Variants in CSMD3 observed in about 807,000 individuals in gnomAD.
CSMD3 encodes the protein CUB and Sushi multiple domains 3, also known as CUB and sushi domain-containing protein 3.
A neutral mutation model predicts 435.2 loss-of-function variants in CSMD3; 177 were observed. The ratio of observed to expected loss-of-function variants is 0.41; its 90% CI spans 0.36 to 0.46. The LOEUF (loss-of-function observed/expected upper bound fraction) is 0.46, where lower values mean the gene tolerates loss of function less well. Ranked by LOEUF, CSMD3 falls within the 20% of genes least tolerant of loss-of-function variation. The probability of loss-of-function intolerance (pLI) is 0.34; values close to 1 mark genes in which losing one functional copy is unlikely to be tolerated. For missense variants in CSMD3, 4,265 were observed against 4,504.6 expected (o/e 0.95, Z 1.52); for synonymous variants, 1,656 against 1,520.5 (o/e 1.09, Z -2.07).
chr8:112,549,083 G>A (rs1278316525), intron 27 of CSMD3, among the ~76,000 whole-genome samples: 2 of 152,014 alleles, frequency 1.3e-5, no homozygotes, highest in Non-Finnish European at 2.9e-5. Context: ...CACTGAGCTT[G>A]AGACACCTTT....
At chr8:112,369,080 T>C (rs1828066575) in intron 38 of CSMD3, among the ~76,000 whole-genome samples, 1 of 152,128 alleles carries the variant, frequency 6.6e-6, no homozygotes. Context: ...TTACAGTTCA[T>C]AATACTCTGG....
At chr8:112,623,633 T>C (rs985777872) in intron 22 of CSMD3, among the ~76,000 whole-genome samples, 2 of 151,870 alleles carry the variant, frequency 1.3e-5, no homozygotes, top group Non-Finnish European at 1.5e-5. Flanking sequence ...TCATCTAGCA[T>C]TAGGTATATC....
intron 1 of CSMD3, among the ~76,000 whole-genome samples, chr8:113,338,274 A>C (rs1206106906): frequency 6.6e-6 from 1 of 151,958 alleles, no homozygotes; most frequent in Admixed American, 6.6e-5. Context: ...GATATGATAG[A>C]ATGAGAAATC....
At chr8:113,229,711 T>A (rs1325176253) in intron 3 of CSMD3, among the ~76,000 whole-genome samples, 1 of 151,578 alleles carries the variant, frequency 6.6e-6, no homozygotes, top group African/African-American at 2.4e-5. Context: ...CTTGAAGGCT[T>A]TGTAAACTTG....
At chr8:112,537,260 C>A (rs960858194) in intron 27 of CSMD3, among the ~76,000 whole-genome samples, 24 of 151,706 alleles carry the variant, frequency 1.6e-4, no homozygotes, top group African/African-American at 5.8e-4. Flanking sequence ...AACAGCAGTA[C>A]TAATTTATAG....
At chr8:112,309,066 T>C (rs535974768) in intron 50 of CSMD3, among the ~76,000 whole-genome samples, 1 of 152,152 alleles carries the variant, frequency 6.6e-6, no homozygotes, top group South Asian at 2.1e-4. Context: ...ATATATTTTA[T>C]CATTTTACTT....
At chr8:113,331,906 C>T (rs2094030618) in intron 1 of CSMD3, among the ~76,000 whole-genome samples, 1 of 151,458 alleles carries the variant, frequency 6.6e-6, no homozygotes, top group South Asian at 2.1e-4. Flanking sequence ...TGTATTTAAC[C>T]TTATACTTGA....
chr8:112,818,090 G>T (rs1399931440), intron 12 of CSMD3, among the ~76,000 whole-genome samples: 1 of 150,680 alleles, frequency 6.6e-6, no homozygotes, highest in Non-Finnish European at 1.5e-5. Context: ...ATGACTTTAT[G>T]AACTATTTTT....
At chr8:112,822,639 C>T (rs1368624305) in intron 12 of CSMD3, among the ~76,000 whole-genome samples, 1 of 151,382 alleles carries the variant, frequency 6.6e-6, no homozygotes. Flanking sequence ...CTCTTTATTT[C>T]CTCTCTTTAT....
At chr8:113,085,309 G>A (rs1173449157) in intron 5 of CSMD3, among the ~76,000 whole-genome samples, 4 of 151,106 alleles carry the variant, frequency 2.6e-5, no homozygotes, top group African/African-American at 7.3e-5. Context: ...CTTGAGAAAA[G>A]GAAAGTCATA....
intron 6 of CSMD3, among the ~76,000 whole-genome samples, chr8:112,997,862 G>GTATA (rs35783145): frequency 1.6e-4 from 24 of 145,754 alleles, no homozygotes; most frequent in African/African-American, 2.5e-4. Flanking sequence ...GTATATGTGT[G>GTATA]TATATATATA....
chr8:112,641,552 A>G (rs529022038), intron 20 of CSMD3, among the ~76,000 whole-genome samples: 1 of 152,202 alleles, frequency 6.6e-6, no homozygotes, highest in South Asian at 2.1e-4. Context: ...AAATGTAATG[A>G]CAATCCAGGT....
intron 59 of CSMD3, 57 bp downstream of exon 59, chr8:112,281,117 A>G: frequency 7.9e-7 from 1 of 1,260,984 alleles, no homozygotes; most frequent in Non-Finnish European, 1.2e-6. Flanking sequence ...AAATACTTAT[A>G]TACTCATCAA....
Position 112,550,840 on chromosome 8 carries a change from T to A in CSMD3, c.4395A>T (p.Ser1465=), listed in dbSNP as rs1214415614. 3.1e-6 allele frequency: 5 copies of A among 1,612,380 alleles called. No homozygotes were observed. In the African/African-American group the frequency reaches 6.7e-5, roughly 22 times the overall value. ...LQFLAFDTEA[S]HDILRVWDGP... is the part of the protein sequence containing the mutation. ...CGTCCCAGACTCGGAGTATATCATG[T>A]GATGCTTCCGTATCAAAAGCAAGAA... Residue 1465 remains serine, a synonymous_variant, in exon 27 of 71, where the codon TCA becomes TCT. Transcript: ENST00000297405.
intron 14 of CSMD3, among the ~76,000 whole-genome samples, chr8:112,688,289 A>T (rs975035401): frequency 6.6e-6 from 1 of 152,128 alleles, no homozygotes; most frequent in Non-Finnish European, 1.5e-5. Context: ...CATACTTTAA[A>T]TTCTTAATTA....
chr8:112,740,370 G>A (rs1485917369), intron 13 of CSMD3, among the ~76,000 whole-genome samples: 1 of 150,696 alleles, frequency 6.6e-6, no homozygotes, highest in Admixed American at 6.6e-5. Flanking sequence ...TCTTTTTTGT[G>A]TTTTTTTCAC....
rs1825641503 is a variant in CSMD3, at chr8:112,346,087, A to G, written c.6442+10T>C. On this transcript the variant is annotated intron_variant, in intron 41 of 70. Coordinates refer to ENST00000297405, the MANE Select transcript of CSMD3 (RefSeq NM_198123.2). Reference sequence around the variant, plus strand: ...TTGAAAGCTCTTTCACGTGTTTTTAATACACATACCAAAACCTATGGGTAG... The same window carrying G: ...TTGAAAGCTCTTTCACGTGTTTTTAGTACACATACCAAAACCTATGGGTAG... The G allele has an allele frequency of 7.2e-7, 1 of 1,396,334 alleles. No homozygotes were observed. Among genetic ancestry groups the G allele is most frequent in the African/African-American group, 1.4e-5 (1 of 70,680 alleles). The allele number at this position is 1,396,334 out of a possible 1,614,324, so 86.5% of individuals were successfully genotyped here.
intron 13 of CSMD3, among the ~76,000 whole-genome samples, chr8:112,770,179 C>T (rs994210820): frequency 2.0e-5 from 3 of 151,862 alleles, no homozygotes; most frequent in Admixed American, 1.3e-4. Flanking sequence ...TAAACTGTTG[C>T]TATGTTTTGA....
At chr8:112,353,252 G>A (rs182942245) in intron 38 of CSMD3, among the ~76,000 whole-genome samples, 24 of 152,146 alleles carry the variant, frequency 1.6e-4, no homozygotes, top group African/African-American at 5.8e-4. Context: ...TTATCCAGGT[G>A]TGGTGGCAGG....
Sources: allele counts gnomAD v4.1 joint callset (sites outside exome capture counted in the v4.1 genomes callset), GRCh38; gene constraint gnomAD v4.1.1; transcripts MANE v1.5; gene names NCBI Gene and HGNC (gene_info 2026-07-23, HGNC 2026-07-21).